MT4: variants seen among roughly 807,000 people sequenced by gnomAD.
The protein encoded by MT4 is metallothionein-4.
MT4 carries 11 observed loss-of-function variants against 9.5 expected under a neutral mutation model. The observed-to-expected ratio is 1.16, with a 90% confidence interval of 0.73 to 1.92. The LOEUF (loss-of-function observed/expected upper bound fraction) is 1.92, where lower values mean the gene tolerates loss of function less well. Among genes scored for constraint, MT4 ranks in the 30% most tolerant of loss-of-function variants. The pLI, the probability that MT4 is intolerant of heterozygous loss-of-function variation, is 0.00. For synonymous variants in MT4, 29 were observed against 24.6 expected, an observed-to-expected ratio of 1.18 and a Z score of -0.53; for missense variants, 88 against 78.7, an observed-to-expected ratio of 1.12 and a Z score of -0.45.
At chr16:56,566,130 C>A (rs1031293223) in intron 1 of MT4, among the ~76,000 whole-genome samples, 1 of 151,974 alleles carries the variant, frequency 6.6e-6, no homozygotes, top group Non-Finnish European at 1.5e-5. Context: ...TTGTCCTTAA[C>A]AGGATGTCTC....
At chr16:56,568,277 GAAA>G (rs1959576719) in intron 2 of MT4, among the ~76,000 whole-genome samples, 1 of 115,626 alleles carries the variant, frequency 8.6e-6, no homozygotes. Context: ...GAGAGAGAAA[GAAA>G]GAAAGAAAGA....
chr16:56,566,807 AAAGAAAGAAAGAAAAGAAAGAAAG>A (rs1959537098), intron 1 of MT4, among the ~76,000 whole-genome samples: 2 of 52,544 alleles, frequency 3.8e-5, no homozygotes, highest in Non-Finnish European at 8.4e-5. Flanking sequence ...AGAAAGAAAG[AAAGAAAGAAAGAAAAGAAAGAAAG>A]AAAGAAAGAA....
Position 56,565,248 on chromosome 16 carries a change from C to T in MT4, c.31+89C>T. The T allele has an allele frequency of 6.1e-6, 9 of 1,465,896 alleles. No individual in the cohort carries two copies. The South Asian group carries it at 1.1e-4, about 18-fold the overall frequency. 90.8% of individuals were successfully genotyped at this position (1,465,896 alleles called of 1,614,324 possible). ...AGGTCCCTGATGAAAACTTCTCTTC[C>T]CTCTAATTAGGAGCCACCAATGGGG... On this transcript the variant is annotated intron_variant, in intron 1 of 2. Coordinates refer to ENST00000219162, the MANE Select transcript of MT4 (RefSeq NM_032935.3).
In MT4 at chr16:56,568,271, GAGAAAGAA is replaced by G. The variant is rs58324349; in HGVS notation, c.98-510_98-503del. On this transcript the variant is annotated intron_variant, in intron 2 of 2. Coordinates refer to ENST00000219162, the MANE Select transcript of MT4 (RefSeq NM_032935.3). ...AGAAAGAAAGAAAGAGAGAGAGAGA[GAGAAAGAA>G]AGAAAGAAAGAAAGAAAGAAAGAAA... is the stretch of plus-strand genomic sequence containing the variant. Among the ~76,000 whole-genome samples, 211 of 58,606 alleles carry G rather than the reference GAGAAAGAA, an allele frequency of 3.6e-3. 2 individuals carry two copies. The highest frequency in any genetic ancestry group is 0.01 in the African/African-American group (183 of 17,626). 38.4% of individuals were successfully genotyped at this position (58,606 alleles called of 152,430 possible).
chr16:56,566,700 G>GAAAGAA (rs1320837229), intron 1 of MT4, among the ~76,000 whole-genome samples: 2 of 73,416 alleles, frequency 2.7e-5, no homozygotes, highest in African/African-American at 1.2e-4. Context: ...AAGAAAGAAA[G>GAAAGAA]AGAAAGAAAG....
Position 56,568,745 on chromosome 16 carries a change from C to A in MT4, c.98-96C>A. ...TGTGGATTGAAACCTCATGCACACACCCCTCTTTTCCTACTTCCTCTAAGT... is the reference window on the plus strand; with the variant it reads ...TGTGGATTGAAACCTCATGCACACAACCCTCTTTTCCTACTTCCTCTAAGT... On this transcript the variant is annotated intron_variant, in intron 2 of 2. Coordinates refer to ENST00000219162, the MANE Select transcript of MT4 (RefSeq NM_032935.3). 7.3e-6 allele frequency: 6 copies of A among 825,614 alleles called. No individual in the cohort carries two copies. In the South Asian group the frequency reaches 1.0e-4, roughly 14 times the overall value. 51.1% of individuals were successfully genotyped at this position (825,614 alleles called of 1,614,324 possible).
At chr16:56,566,354 G>A in intron 1 of MT4, among the ~76,000 whole-genome samples, 1 of 151,884 alleles carries the variant, frequency 6.6e-6, no homozygotes, top group Non-Finnish European at 1.5e-5. Flanking sequence ...ACAAGGCCCT[G>A]TTTCTACAAA....
In MT4 at chr16:56,568,231, GAA is replaced by G. The variant is rs565429782; in HGVS notation, c.97+417_97+418del. On this transcript the variant is annotated intron_variant, in intron 2 of 2. Coordinates refer to ENST00000219162, the MANE Select transcript of MT4 (RefSeq NM_032935.3). ...AGAGAGAGAGAAAGAAAGAAAGAAAGAAAGAAAGAAAGAAAGAAAGAAAGAAA... is the reference window on the plus strand; with the variant it reads ...AGAGAGAGAGAAAGAAAGAAAGAAAGAGAAAGAAAGAAAGAAAGAAAGAAA... Among the ~76,000 whole-genome samples, 193 of 34,424 alleles carry G rather than the reference GAA, an allele frequency of 5.6e-3. 2 individuals are homozygous for G. The highest frequency in any genetic ancestry group is 0.013 in the South Asian group (12 of 904). 22.6% of individuals were successfully genotyped at this position (34,424 alleles called of 152,430 possible).
At chr16:56,568,552 G>A (rs1293498649) in intron 2 of MT4, among the ~76,000 whole-genome samples, 1 of 152,104 alleles carries the variant, frequency 6.6e-6, no homozygotes, top group Non-Finnish European at 1.5e-5. Context: ...CAGGGATAGA[G>A]CACTGGCCTG....
chr16:56,568,271 GAGAAAGAAAGAAAGAAAGAAAGAA>G (rs58324349), intron 2 of MT4, among the ~76,000 whole-genome samples: 23 of 58,650 alleles, frequency 3.9e-4, no homozygotes, highest in African/African-American at 1.3e-3. Context: ...GAGAGAGAGA[GAGAAAGAAAGAAAGAAAGAAAGAA>G]AGAAAGAAAG....
At chr16:56,565,270 G>T in intron 1 of MT4, 111 bp downstream of exon 1, 1 of 1,249,096 alleles carries the variant, frequency 8.0e-7, no homozygotes. Context: ...AGCCACCAAT[G>T]GGGTTCGTCC....
rs191655816 is a variant in MT4, at chr16:56,567,030, T to C, written c.32-721T>C. On this transcript the variant is annotated intron_variant, in intron 1 of 2. Coordinates refer to ENST00000219162, the MANE Select transcript of MT4 (RefSeq NM_032935.3). The stretch of plus-strand genomic sequence containing the variant: ...CGGGTGTGAAAGGGGTTTTTGTTTG[T>C]TTGTTTGTTTTAAGGCAGAGTCTCA... 1.4e-4 allele frequency among the ~76,000 whole-genome samples: 22 copies of C among 152,170 alleles called. No individual in the cohort carries two copies. In the East Asian group the frequency reaches 3.5e-3, roughly 24 times the overall value.
intron 1 of MT4, 24 bp downstream of exon 1, chr16:56,565,183 G>C (rs1333313199): frequency 1.9e-6 from 3 of 1,606,228 alleles, no homozygotes; most frequent in Non-Finnish European, 2.5e-6. Context: ...CCCTCCCTGG[G>C]GTCTGGGAAC....
intron 2 of MT4, 88 bp from the exon 3 acceptor site, chr16:56,568,753 T>C (rs1389423091): frequency 8.7e-6 from 8 of 916,080 alleles, no homozygotes; most frequent in South Asian, 3.9e-5. Flanking sequence ...CACCCCTCTT[T>C]TCCTACTTCC....
At chr16:56,566,020 C>T (rs1959513454) in intron 1 of MT4, among the ~76,000 whole-genome samples, 1 of 151,260 alleles carries the variant, frequency 6.6e-6, no homozygotes, top group Admixed American at 6.6e-5. Flanking sequence ...ACTAGGAATG[C>T]ACCACTGCAC....
intron 1 of MT4, among the ~76,000 whole-genome samples, chr16:56,565,438 C>A (rs1567329412): frequency 6.6e-6 from 1 of 152,172 alleles, no homozygotes; most frequent in African/African-American, 2.4e-5. Context: ...AGGGCAGTCA[C>A]CAGGGTGAGG....
chr16:56,568,326 A>AAAGAAAG (rs1959580469), intron 2 of MT4, among the ~76,000 whole-genome samples: 1 of 150,204 alleles, frequency 6.7e-6, no homozygotes, highest in Admixed American at 6.6e-5. Context: ...AGAAAGAAAG[A>AAAGAAAG]AAGAAAGAAA....
chr16:56,568,285 GAAAGA>G (rs1567330686), intron 2 of MT4, among the ~76,000 whole-genome samples: 1 of 131,380 alleles, frequency 7.6e-6, no homozygotes, highest in Non-Finnish European at 1.6e-5. Flanking sequence ...AAGAAAGAAA[GAAAGA>G]AAGAAAGAAA....
chr16:56,568,283 A>G (rs868614140), intron 2 of MT4, among the ~76,000 whole-genome samples: 1,865 of 121,158 alleles, frequency 0.015, 24 homozygotes, highest in Non-Finnish European at 0.02. Flanking sequence ...GAAAGAAAGA[A>G]AGAAAGAAAG....
Sources: allele counts gnomAD v4.1 joint callset (sites outside exome capture counted in the v4.1 genomes callset), GRCh38; gene constraint gnomAD v4.1.1; transcripts MANE v1.5; gene names NCBI Gene and HGNC (gene_info 2026-07-23, HGNC 2026-07-21).